Variants in SRRM4 observed in about 807,000 individuals in gnomAD.
SRRM4 encodes serine/arginine repetitive matrix 4, also known as serine/arginine repetitive matrix protein 4.
Under a neutral mutation model 68.9 loss-of-function variants are expected in SRRM4, and 33 were observed. The ratio of observed to expected loss-of-function variants is 0.48; its 90% CI spans 0.36 to 0.64. The LOEUF is 0.64. Ranked by LOEUF, SRRM4 falls within the 30% of genes least tolerant of loss-of-function variation. The probability of loss-of-function intolerance (pLI) is 0.00; values close to 1 mark genes in which losing one functional copy is unlikely to be tolerated. For missense variants in SRRM4, 817 were observed against 827.1 expected (o/e 0.99, Z 0.15); for synonymous variants, 318 against 318.8 (o/e 1.00, Z 0.03).
At chr12:119,081,141 A>T (rs1953945386) in intron 1 of SRRM4, among the ~76,000 whole-genome samples, 2 of 152,228 alleles carry the variant, frequency 1.3e-5, no homozygotes. Flanking sequence ...TACCCTAATG[A>T]AACTTAGATT....
chr12:119,114,314 C>T lies in SRRM4; in HGVS notation c.315C>T (p.Ser105=). Residue 105 remains serine, a synonymous_variant, in exon 3 of 13, where the codon TCC becomes TCT. Transcript: ENST00000267260. The part of the protein sequence containing the change: ...SHDKDLTPPP[S]SRGKKKKKKS... ...ACAAAGACTTGACACCACCACCTTCCTCCAGGGGAAAGAAGAAAAAGAAGA... is the reference window on the plus strand; with the variant it reads ...ACAAAGACTTGACACCACCACCTTCTTCCAGGGGAAAGAAGAAAAAGAAGA... 1 of 1,612,452 alleles carries T rather than the reference C, an allele frequency of 6.2e-7. No individual in the cohort carries two copies. The highest frequency in any genetic ancestry group is 8.5e-7 in the Non-Finnish European group (1 of 1,179,314).
In SRRM4 at chr12:119,123,047, C is replaced by T. The variant is rs977236391; in HGVS notation, c.515+927C>T. Among the ~76,000 whole-genome samples the T allele has an allele frequency of 6.8e-4, 104 of 152,242 alleles. 1 individual carries two copies. Among genetic ancestry groups the T allele is most frequent in the African/African-American group, 2.3e-3 (95 of 41,536 alleles). ...ACTTTATATCCTGCAAATGTTAGTG[C>T]GTGTGTTTTCCAATCAACTAATATT... On this transcript the variant is annotated intron_variant, in intron 6 of 12. Transcript: ENST00000267260.
At chr12:119,031,282 T>C (rs35233512) in intron 1 of SRRM4, 39,348 of 152,198 alleles carry the variant, frequency 0.26, 5,818 homozygotes, top group Middle Eastern at 0.46. Context: ...GTGGGCTCCT[T>C]CATAGAACAG....
At chr12:119,008,520 T>A (rs781562178) in intron 1 of SRRM4, among the ~76,000 whole-genome samples, 15 of 152,188 alleles carry the variant, frequency 9.9e-5, no homozygotes, top group Non-Finnish European at 2.1e-4. Context: ...GCTACTCTTA[T>A]CTAATGTTGT....
At chr12:119,003,108 A>G (rs1436395297) in intron 1 of SRRM4, among the ~76,000 whole-genome samples, 1 of 151,902 alleles carries the variant, frequency 6.6e-6, no homozygotes, top group Admixed American at 6.6e-5. Flanking sequence ...CACAGTCACC[A>G]TACCACACTG....
At chr12:119,156,122 A>G (rs1207826474) in intron 12 of SRRM4, among the ~76,000 whole-genome samples, 1 of 152,222 alleles carries the variant, frequency 6.6e-6, no homozygotes, top group Non-Finnish European at 1.5e-5. Context: ...AGGAAACGAT[A>G]CAGTACAGTA....
At chr12:118,987,419 C>A (rs1953289561) in intron 1 of SRRM4, among the ~76,000 whole-genome samples, 2 of 152,172 alleles carry the variant, frequency 1.3e-5, no homozygotes, top group South Asian at 4.2e-4. Context: ...TCCTGAGCAG[C>A]TCCAATGCTC....
rs775854693 is a variant in SRRM4, at chr12:119,125,398, G to A, written c.533G>A (p.Arg178Gln). 112 of 1,612,756 alleles carry A rather than the reference G, an allele frequency of 6.9e-5. No homozygotes were observed. Among genetic ancestry groups the A allele is most frequent in the East Asian group, 8.9e-5 (4 of 44,764 alleles). ...CCCCCAAGATCTCGAAGCCGGCCCC[G>A]AAAGTCTCACCGCCACCGCCATCAC... ...RHKKQSRSRP[R>Q]KSHRHRHHRC... Residue 178 changes from arginine to glutamine, a missense_variant, in exon 7 of 13, where the codon CGA (arginine) becomes CAA (glutamine). Physicochemically the swap from Arg to Gln is conservative, Grantham distance 43. Transcript: ENST00000267260.
At chr12:118,992,169 AAG>A (rs527854618) in intron 1 of SRRM4, 4 of 152,172 alleles carry the variant, frequency 2.6e-5, no homozygotes, top group African/African-American at 9.7e-5. Context: ...AGCCTGCAAA[AAG>A]AGAGAGATTT....
intron 1 of SRRM4, among the ~76,000 whole-genome samples, chr12:119,019,398 A>G (rs1378743980): frequency 6.6e-6 from 1 of 152,084 alleles, no homozygotes. Context: ...TCTAGTCAAC[A>G]TGGGTAGTAA....
At chr12:119,065,126 A>G (rs1953837613) in intron 1 of SRRM4, among the ~76,000 whole-genome samples, 1 of 152,220 alleles carries the variant, frequency 6.6e-6, no homozygotes, top group African/African-American at 2.4e-5. Flanking sequence ...TCACAGAAGT[A>G]GGTTACTTGT....
chr12:118,995,748 T>C (rs1376715440), intron 1 of SRRM4, among the ~76,000 whole-genome samples: 1 of 152,198 alleles, frequency 6.6e-6, no homozygotes, highest in Non-Finnish European at 1.5e-5. Context: ...AGATGCACAA[T>C]ACTTTATGCT....
chr12:119,082,807 T>C (rs1953956946), intron 1 of SRRM4, among the ~76,000 whole-genome samples: 1 of 152,194 alleles, frequency 6.6e-6, no homozygotes, highest in Non-Finnish European at 1.5e-5. Flanking sequence ...TGCTTGCTGC[T>C]TTGCCACTCA....
chr12:119,042,933 A>T (rs1447003324), intron 1 of SRRM4, among the ~76,000 whole-genome samples: 3 of 152,160 alleles, frequency 2.0e-5, no homozygotes, highest in African/African-American at 7.2e-5. Flanking sequence ...ATGCTTTTAC[A>T]CTGTTGGTGG....
At chr12:119,121,928 G>C (rs959449797) in intron 5 of SRRM4, 142 bp from the exon 6 acceptor site, 2 of 646,402 alleles carry the variant, frequency 3.1e-6, no homozygotes, top group Admixed American at 4.7e-5. Context: ...AATGTTGGCA[G>C]TGAATTTTCC....
intron 1 of SRRM4, among the ~76,000 whole-genome samples, chr12:119,046,694 A>G (rs1341200217): frequency 6.6e-6 from 1 of 152,034 alleles, no homozygotes; most frequent in Non-Finnish European, 1.5e-5. Flanking sequence ...TAATTTCACC[A>G]TGGTGAACTC....
intron 1 of SRRM4, among the ~76,000 whole-genome samples, chr12:119,095,452 T>C (rs1439664239): frequency 6.6e-6 from 1 of 152,148 alleles, no homozygotes; most frequent in Non-Finnish European, 1.5e-5. Flanking sequence ...GCAAGTACTT[T>C]TGCCTCTCCA....
At chr12:119,105,700 C>A (rs189141944) in intron 2 of SRRM4, among the ~76,000 whole-genome samples, 5 of 152,198 alleles carry the variant, frequency 3.3e-5, no homozygotes, top group African/African-American at 1.2e-4. Context: ...TGTTTAAGTT[C>A]TTTGTAGATT....
chr12:119,081,372 T>C (rs1012531988), intron 1 of SRRM4, among the ~76,000 whole-genome samples: 79 of 151,934 alleles, frequency 5.2e-4, no homozygotes, highest in African/African-American at 1.8e-3. Context: ...AGTAAGGAAG[T>C]TGTAGCTATT....
Sources: gnomAD v4.1 joint callset for allele counts (sites outside exome capture counted in the v4.1 genomes callset) on GRCh38, gnomAD v4.1.1 for gene constraint, MANE v1.5 for transcripts, NCBI Gene and HGNC (gene_info 2026-07-23, HGNC 2026-07-21) for gene names.